The following CACNA2D3 variants were observed in gnomAD, a reference collection of about 807,000 sequenced individuals.
CACNA2D3 encodes the protein voltage-dependent calcium channel subunit alpha-2/delta-3.
A neutral mutation model predicts 160.6 loss-of-function variants in CACNA2D3; 60 were observed. The ratio of observed to expected loss-of-function variants is 0.37; its 90% CI spans 0.30 to 0.46. The LOEUF is 0.46. CACNA2D3 is among the 20% of genes least tolerant of loss of function. The pLI is 1.00. For synonymous variants in CACNA2D3, 558 were observed against 492.9 expected (o/e 1.13, Z -1.75); for missense variants, 1,205 against 1,365.0 (o/e 0.88, Z 1.85).
At chr3:55,033,618 T>C (rs1703726459) in intron 35 of CACNA2D3, among the ~76,000 whole-genome samples, 1 of 142,220 alleles carries the variant, frequency 7.0e-6, no homozygotes, top group Admixed American at 7.4e-5. Flanking sequence ...CTCCTTGAAG[T>C]ATCTGAAATG....
At chr3:55,066,790 T>C (rs940712237) in intron 35 of CACNA2D3, among the ~76,000 whole-genome samples, 3 of 152,182 alleles carry the variant, frequency 2.0e-5, no homozygotes, top group African/African-American at 7.2e-5. Flanking sequence ...CATTTTGACC[T>C]ATCCCTGCTT....
chr3:54,729,223 A>C lies in CACNA2D3; in HGVS notation c.1168-23376A>C, dbSNP rs142281290. ...GGTGTGAGCCACTGCACCCAGCCTC[A>C]TATTCTTCCCTATTAATTGGCAAAT... On this transcript the variant is annotated intron_variant, in intron 11 of 37. Transcript: ENST00000474759. 2.0e-4 allele frequency among the ~76,000 whole-genome samples: 31 copies of C among 152,216 alleles called. 1 individual carries two copies. Among genetic ancestry groups the C allele is most frequent in the African/African-American group, 6.5e-4 (27 of 41,544 alleles).
chr3:54,484,307 G>T (rs774631107), intron 4 of CACNA2D3, among the ~76,000 whole-genome samples: 1 of 151,920 alleles, frequency 6.6e-6, no homozygotes, highest in Non-Finnish European at 1.5e-5. Flanking sequence ...CCCTCCCCGC[G>T]GACTGTATCA....
chr3:54,223,155 G>T (rs141151153), intron 2 of CACNA2D3, among the ~76,000 whole-genome samples: 22 of 152,262 alleles, frequency 1.4e-4, no homozygotes, highest in African/African-American at 5.3e-4. Context: ...TGTATTCATA[G>T]GTTGTTCAAC....
rs11929207 is a variant in CACNA2D3 at position 54,461,170 on chromosome 3, T to C, written c.382-42322T>C. ...AAGCTTTTTGATGTGCTGCTGGATT[T>C]GGTTTGGCAGTATTTGATTGAGGAT... is the stretch of plus-strand genomic sequence containing the variant. On this transcript the variant is annotated intron_variant, in intron 4 of 37. Transcript: ENST00000474759. Among the ~76,000 whole-genome samples, 611 of 151,146 alleles carry C rather than the reference T, an allele frequency of 4.0e-3. 4 individuals carry two copies. Among genetic ancestry groups the C allele is most frequent in the African/African-American group, 0.013 (522 of 40,566 alleles).
chr3:54,822,947 T>C lies in CACNA2D3; in HGVS notation c.1398+6077T>C, dbSNP rs142668126. ...TCGGCTCACTGCAACCTCTGCCTCCTGGGTTCAAGCGATTCTCTTGCCTCA... is the reference window on the plus strand; with the variant it reads ...TCGGCTCACTGCAACCTCTGCCTCCCGGGTTCAAGCGATTCTCTTGCCTCA... On this transcript the variant is annotated intron_variant, in intron 14 of 37. Coordinates refer to ENST00000474759, the MANE Select transcript of CACNA2D3 (RefSeq NM_018398.3). Among the ~76,000 whole-genome samples, 984 of 151,542 alleles carry C rather than the reference T, an allele frequency of 6.5e-3. 2 individuals carry two copies. Among genetic ancestry groups the C allele is most frequent in the Non-Finnish European group, 9.0e-3 (608 of 67,878 alleles).
intron 5 of CACNA2D3, among the ~76,000 whole-genome samples, chr3:54,535,974 G>A (rs1324389800): frequency 6.6e-6 from 1 of 152,212 alleles, no homozygotes; most frequent in East Asian, 1.9e-4. Context: ...TTATCTGTTG[G>A]AAAATTAGAA....
intron 17 of CACNA2D3, among the ~76,000 whole-genome samples, chr3:54,870,871 C>A (rs374171418): frequency 9.8e-5 from 15 of 152,286 alleles, no homozygotes; most frequent in African/African-American, 3.6e-4. Flanking sequence ...AGCCCAGCCC[C>A]AGCTCTGGAG....
intron 5 of CACNA2D3, among the ~76,000 whole-genome samples, chr3:54,524,680 A>G (rs1056825686): frequency 6.6e-6 from 1 of 151,936 alleles, no homozygotes; most frequent in Admixed American, 6.6e-5. Context: ...GTAGGTGTGT[A>G]TATGTGTATA....
At chr3:54,479,305 A>G (rs1056940154) in intron 4 of CACNA2D3, among the ~76,000 whole-genome samples, 1 of 152,088 alleles carries the variant, frequency 6.6e-6, no homozygotes, top group African/African-American at 2.4e-5. Flanking sequence ...TTTATAAATT[A>G]CCCAGTCTCA....
intron 10 of CACNA2D3, chr3:54,632,318 A>G (rs939607703): frequency 3.3e-5 from 5 of 152,170 alleles, no homozygotes; most frequent in African/African-American, 1.2e-4. Flanking sequence ...GTGTTTGGGA[A>G]AATTTTTCCA....
Position 54,374,560 on chromosome 3 carries a change from T to C in CACNA2D3, c.322-12155T>C, listed in dbSNP as rs542594304. Among the ~76,000 whole-genome samples the C allele has an allele frequency of 1.4e-4, 21 of 152,304 alleles. No homozygotes were observed. The South Asian group carries it at 3.7e-3, about 27-fold the overall frequency. ...ATTCTGTGCTTGTATTGCCTGGTCT[T>C]ACTATGAGATTTTATCATACCTGCT... is the stretch of plus-strand genomic sequence containing the variant. On this transcript the variant is annotated intron_variant, in intron 3 of 37. Coordinates refer to ENST00000474759, the MANE Select transcript of CACNA2D3 (RefSeq NM_018398.3).
At chr3:54,439,766 T>C (rs1487724716) in intron 4 of CACNA2D3, among the ~76,000 whole-genome samples, 1 of 152,146 alleles carries the variant, frequency 6.6e-6, no homozygotes, top group East Asian at 1.9e-4. Flanking sequence ...ACTTTCCTCA[T>C]GATGGGAGAC....
rs1559549466 is a variant in CACNA2D3, at chr3:54,687,142, T to TTTTG, written c.1167+44904_1167+44905insGTTT. On this transcript the variant is annotated intron_variant, in intron 11 of 37. Transcript: ENST00000474759. ...TTTTCTTTTTTTTTTTTTGTTTTTTTTTTTTTTTGTTTTTTTGACACTGGG... is the reference window on the plus strand; with the variant it reads ...TTTTCTTTTTTTTTTTTTGTTTTTTTTTTGTTTTTTTTGTTTTTTTGACACTGGG... 3.7e-4 allele frequency among the ~76,000 whole-genome samples: 27 copies of TTTTG among 72,962 alleles called. 1 individual carries two copies. The highest frequency in any genetic ancestry group is 5.7e-3 in the Middle Eastern group (1 of 174). The allele number at this position is 72,962 out of a possible 152,430, so 47.9% of individuals were successfully genotyped here.
chr3:54,499,160 G>A (rs530580071), intron 4 of CACNA2D3, among the ~76,000 whole-genome samples: 2 of 152,182 alleles, frequency 1.3e-5, no homozygotes, highest in East Asian at 3.9e-4. Flanking sequence ...AATCCTGAAT[G>A]CTGAGTCTCT....
At chr3:54,856,893 G>C (rs1303506402) in intron 17 of CACNA2D3, among the ~76,000 whole-genome samples, 1 of 152,144 alleles carries the variant, frequency 6.6e-6, no homozygotes, top group East Asian at 1.9e-4. Flanking sequence ...CAGTTCTCCT[G>C]CCTCAGCCTC....
intron 14 of CACNA2D3, among the ~76,000 whole-genome samples, chr3:54,822,837 TTTCTTTC>T (rs1703667765): frequency 7.5e-6 from 1 of 133,820 alleles, no homozygotes; most frequent in Admixed American, 7.4e-5. Flanking sequence ...CTTTCTTTTC[TTTCTTTC>T]TTTCTTTCTT....
chr3:54,523,862 G>C (rs1271529490), intron 5 of CACNA2D3, among the ~76,000 whole-genome samples: 1 of 151,880 alleles, frequency 6.6e-6, no homozygotes, highest in African/African-American at 2.4e-5. Context: ...CCCTCTTTCA[G>C]ATTCTGGTAA....
At chr3:54,338,186 C>G (rs1704432827) in intron 3 of CACNA2D3, among the ~76,000 whole-genome samples, 1 of 152,242 alleles carries the variant, frequency 6.6e-6, no homozygotes, top group Non-Finnish European at 1.5e-5. Flanking sequence ...CACTGGCGCA[C>G]AAAGGCGCTG....
Sources: gnomAD v4.1 joint callset for allele counts (sites outside exome capture counted in the v4.1 genomes callset) on GRCh38, gnomAD v4.1.1 for gene constraint, MANE v1.5 for transcripts, NCBI Gene and HGNC (gene_info 2026-07-23, HGNC 2026-07-21) for gene names.